The following KIF5C variants were observed in gnomAD, a reference collection of about 807,000 sequenced individuals.
KIF5C encodes the protein kinesin family member 5C, also known as kinesin heavy chain isoform 5C.
KIF5C carries 18 observed loss-of-function variants against 125.2 expected under a neutral mutation model. That is an observed-to-expected ratio of 0.14 (90% confidence interval 0.10 to 0.21). The LOEUF (loss-of-function observed/expected upper bound fraction) is 0.21, where lower values mean the gene tolerates loss of function less well. Among genes scored for constraint, KIF5C ranks in the 10% least tolerant of loss-of-function variants. The probability of loss-of-function intolerance (pLI) is 1.00; values close to 1 mark genes in which losing one functional copy is unlikely to be tolerated. For missense variants in KIF5C, 780 were observed against 1,183.8 expected (o/e 0.66, Z 5.01); for synonymous variants, 405 against 434.0 (o/e 0.93, Z 0.83).
At chr2:148,904,568 T>C (rs919271049) in intron 1 of KIF5C, among the ~76,000 whole-genome samples, 1 of 152,220 alleles carries the variant, frequency 6.6e-6, no homozygotes, top group African/African-American at 2.4e-5. Flanking sequence ...CCAACCCTGA[T>C]GGATAGAGCC....
At chr2:148,887,602 G>A (rs954894157) in intron 1 of KIF5C, among the ~76,000 whole-genome samples, 2 of 152,118 alleles carry the variant, frequency 1.3e-5, no homozygotes, top group Non-Finnish European at 2.9e-5. Flanking sequence ...ATTCTATTCA[G>A]GGAAACCTCA....
intron 22 of KIF5C, among the ~76,000 whole-genome samples, chr2:149,006,874 G>C (rs1682024515): frequency 6.6e-6 from 1 of 152,158 alleles, no homozygotes; most frequent in Admixed American, 6.5e-5. Context: ...AAAAGGTTCA[G>C]TCCGAGGAAG....
chr2:148,929,896 C>T (rs1200827545), intron 3 of KIF5C, among the ~76,000 whole-genome samples: 1 of 152,074 alleles, frequency 6.6e-6, no homozygotes, highest in Non-Finnish European at 1.5e-5. Flanking sequence ...GTTGAATATT[C>T]TGAAGATCTG....
At chr2:149,000,823 C>G (rs376670118) in intron 21 of KIF5C, 41 bp downstream of exon 21, 2 of 1,607,828 alleles carry the variant, frequency 1.2e-6, no homozygotes, top group African/African-American at 2.7e-5. Context: ...GTCTCCAAGA[C>G]CGGATTCATT....
chr2:149,006,713 C>T (rs1460445520), intron 22 of KIF5C, among the ~76,000 whole-genome samples: 1 of 152,156 alleles, frequency 6.6e-6, no homozygotes, highest in Non-Finnish European at 1.5e-5. Flanking sequence ...GCCTGCATGG[C>T]AATGGCTAGG....
chr2:148,969,778 G>A (rs1388313298), intron 11 of KIF5C, among the ~76,000 whole-genome samples: 1 of 152,184 alleles, frequency 6.6e-6, no homozygotes, highest in Non-Finnish European at 1.5e-5. Flanking sequence ...TTAACGTGGT[G>A]AGATTGCCAT....
Position 148,981,398 on chromosome 2 carries a change from A to T in KIF5C, c.1406A>T (p.Glu469Val). ...AGAGACTATGAGAAGATACAGGAGG[A>T]GCTGACACGTCTCCAGATTGAAAAT... ...TRRDYEKIQE[E>V]LTRLQIENEA... is the part of the protein sequence containing the mutation. The change falls in exon 14 of 26, where the codon GAG becomes GTG. Residue 469 changes from glutamate (E) to valine (V), a missense_variant. Physicochemically the swap from Glu to Val is moderately radical, Grantham distance 121 (BLOSUM62 -2). Around this residue, in one of 2 missense-constraint regions of KIF5C, gnomAD observed 573 missense variants for 742.6 expected, o/e 0.77. Coordinates refer to ENST00000435030, the MANE Select transcript of KIF5C (RefSeq NM_004522.3). The T allele has an allele frequency of 1.9e-6, 3 of 1,611,604 alleles. No homozygotes were observed. Among genetic ancestry groups the T allele is most frequent in the Non-Finnish European group, 2.5e-6 (3 of 1,178,958 alleles).
chr2:148,964,081 G>T (rs781262812), intron 11 of KIF5C, among the ~76,000 whole-genome samples: 4 of 152,042 alleles, frequency 2.6e-5, no homozygotes, highest in Non-Finnish European at 5.9e-5. Flanking sequence ...TTCGAGACCC[G>T]CCTGGCCAAC....
rs553384842 is a variant in KIF5C at position 148,963,129 on chromosome 2, C to T, written c.1117+1010C>T. Among the ~76,000 whole-genome samples, 7 of 150,740 alleles carry T rather than the reference C, an allele frequency of 4.6e-5. 1 individual carries two copies. The South Asian group carries it at 1.5e-3, about 32-fold the overall frequency. On this transcript the variant is annotated intron_variant, in intron 11 of 25. Transcript: ENST00000435030. The stretch of plus-strand genomic sequence containing the variant: ...AGACAGATTATTTTAGTGATTTTAG[C>T]ATTGTGACGTAGGTTAGAAGGTAGA...
intron 1 of KIF5C, among the ~76,000 whole-genome samples, chr2:148,915,333 C>G (rs1248207341): frequency 6.6e-6 from 1 of 152,152 alleles, no homozygotes; most frequent in Non-Finnish European, 1.5e-5. Flanking sequence ...CTGCCCTGCA[C>G]CATTAAGGTG....
intron 17 of KIF5C, 113 bp from the exon 18 acceptor site, chr2:148,997,151 A>G: frequency 6.9e-7 from 1 of 1,458,558 alleles, no homozygotes. Flanking sequence ...TTGCTGATAT[A>G]AGCTGATGTT....
chr2:149,023,430 A>G lies in KIF5C; in HGVS notation c.*360A>G, dbSNP rs1682594902. 6.6e-6 allele frequency: 1 copy of G among 152,644 alleles called. No individual in the cohort carries two copies. The highest frequency in any genetic ancestry group is 2.1e-4 in the South Asian group (1 of 4,826). The allele number at this position is 152,644 out of a possible 1,614,324, so 9.5% of individuals were successfully genotyped here. ...CTAATGTGCCATTCCCTAGAGGGGAACAACCAAGTGCCGTGGAGGCAGATG... is the reference window on the plus strand; with the variant it reads ...CTAATGTGCCATTCCCTAGAGGGGAGCAACCAAGTGCCGTGGAGGCAGATG... On this transcript the variant is annotated 3_prime_UTR_variant, in exon 26 of 26. Transcript: ENST00000435030.
At chr2:149,019,505 C>T (rs765868851) in intron 25 of KIF5C, among the ~76,000 whole-genome samples, 5 of 152,064 alleles carry the variant, frequency 3.3e-5, no homozygotes, top group East Asian at 1.9e-4. Context: ...GTGGAGCACC[C>T]GGAGGCAAGA....
chr2:148,937,368 A>G lies in KIF5C; in HGVS notation c.376A>G (p.Asn126Asp). ...IFDHIYSMDE[N>D]LEFHIKVSYF... ...TGACCATATCTACTCCATGGATGAG[A>G]ACCTGGAGTTTCACATAAAGGTACG... Residue 126 changes from asparagine (N) to aspartate (D), a missense_variant, in exon 4 of 26, where the codon AAC becomes GAC. Transcript: ENST00000435030. 6.3e-7 allele frequency: 1 copy of G among 1,595,976 alleles called. No homozygotes were observed. Among genetic ancestry groups the G allele is most frequent in the Non-Finnish European group, 8.5e-7 (1 of 1,170,300 alleles).
chr2:148,972,172 C>T (rs937502492), intron 11 of KIF5C, among the ~76,000 whole-genome samples: 7 of 152,142 alleles, frequency 4.6e-5, no homozygotes, highest in South Asian at 2.1e-4. Flanking sequence ...AGGCTGGTCT[C>T]GAATTCCTGG....
At chr2:148,951,442 C>T (rs1160935105) in intron 10 of KIF5C, among the ~76,000 whole-genome samples, 4 of 152,046 alleles carry the variant, frequency 2.6e-5, no homozygotes, top group Non-Finnish European at 4.4e-5. Flanking sequence ...TTTTTCTTGT[C>T]ACTTTCTTTT....
intron 1 of KIF5C, among the ~76,000 whole-genome samples, chr2:148,916,537 C>T (rs78191633): frequency 0.02 from 2,976 of 152,164 alleles, 87 homozygotes; most frequent in African/African-American, 0.062. Context: ...TGAGCTGGTA[C>T]ATTGTGAATG....
chr2:149,008,173 A>G lies in KIF5C; in HGVS notation c.2550+106A>G, dbSNP rs572159029. ...GGAGAAGGCACTGAGATTGAAGGTA[A>G]AAGAACTGTACACTATCAGAGGACA... On this transcript the variant is annotated intron_variant, in intron 23 of 25. Transcript: ENST00000435030. The G allele has an allele frequency of 2.1e-4, 292 of 1,360,926 alleles. 2 individuals are homozygous for G. The African/African-American group carries it at 3.6e-3, about 17-fold the overall frequency. The allele number at this position is 1,360,926 out of a possible 1,614,324, so 84.3% of individuals were successfully genotyped here.
chr2:148,988,208 T>C (rs1435772906), intron 15 of KIF5C, among the ~76,000 whole-genome samples: 1 of 152,010 alleles, frequency 6.6e-6, no homozygotes, highest in Non-Finnish European at 1.5e-5. Flanking sequence ...CTTTTGAACA[T>C]GAAACCACTA....
Sources: allele counts gnomAD v4.1 joint callset (sites outside exome capture counted in the v4.1 genomes callset), GRCh38; gene constraint gnomAD v4.1.1; regional missense constraint gnomAD v4.1.1; transcripts MANE v1.5; gene names NCBI Gene and HGNC (gene_info 2026-07-23, HGNC 2026-07-21).